Variants in SLC24A4 observed in about 807,000 individuals in gnomAD.
The protein encoded by SLC24A4 is solute carrier family 24 member 4.
Under a neutral mutation model 79.0 loss-of-function variants are expected in SLC24A4, and 53 were observed. That is an observed-to-expected ratio of 0.67 (90% CI 0.54 to 0.84). SLC24A4 has a LOEUF of 0.84. Ranked by LOEUF, SLC24A4 falls within the 40% of genes least tolerant of loss-of-function variation. The pLI is 0.00. For synonymous variants in SLC24A4, 323 were observed against 323.8 expected, an observed-to-expected ratio of 1.00 and a Z score of 0.03; for missense variants, 731 against 822.0, an observed-to-expected ratio of 0.89 and a Z score of 1.35.
intron 2 of SLC24A4, among the ~76,000 whole-genome samples, chr14:92,372,298 C>T (rs879621273): frequency 2.6e-5 from 4 of 152,280 alleles, no homozygotes; most frequent in Admixed American, 2.6e-4. Context: ...CACGCCACCT[C>T]CCTGTCCCAT....
At chr14:92,386,744 G>A (rs151063442) in intron 2 of SLC24A4, among the ~76,000 whole-genome samples, 2,164 of 152,328 alleles carry the variant, frequency 0.014, 24 homozygotes, top group Non-Finnish European at 0.019. Context: ...CGTGTTTAAT[G>A]TGTAAGCAGA....
At chr14:92,368,974 A>G (rs540391717) in intron 2 of SLC24A4, among the ~76,000 whole-genome samples, 29 of 152,224 alleles carry the variant, frequency 1.9e-4, no homozygotes, top group African/African-American at 7.0e-4. Context: ...CTGGACCCAT[A>G]TACAAGGAGA....
At chr14:92,411,862 G>T (rs1890736067) in intron 2 of SLC24A4, among the ~76,000 whole-genome samples, 1 of 152,096 alleles carries the variant, frequency 6.6e-6, no homozygotes, top group Admixed American at 6.5e-5. Context: ...TGATTCCAAG[G>T]TTAAGACCTC....
intron 2 of SLC24A4, among the ~76,000 whole-genome samples, chr14:92,347,125 A>G (rs1246488931): frequency 6.6e-6 from 1 of 152,242 alleles, no homozygotes; most frequent in African/African-American, 2.4e-5. Context: ...TTATTTTAAA[A>G]GTAGAGGCCC....
In SLC24A4 at chr14:92,499,291, C is replaced by T. The variant is rs1444798654; in HGVS notation, c.*5663C>T. On this transcript the variant is annotated 3_prime_UTR_variant, in exon 17 of 17. Transcript: ENST00000532405. Reference sequence around the variant, plus strand: ...AGTATACTCTCGTCTAGTCTAGGAACATGTCTGCTGCTGGGATACCCTGGT... The same window carrying T: ...AGTATACTCTCGTCTAGTCTAGGAATATGTCTGCTGCTGGGATACCCTGGT... 1 of 152,200 alleles carries T rather than the reference C, an allele frequency of 6.6e-6. No homozygotes were observed. The highest frequency in any genetic ancestry group is 1.5e-5 in the Non-Finnish European group (1 of 68,042). 9.4% of individuals were successfully genotyped at this position (152,200 alleles called of 1,614,324 possible). A position where few individuals can be genotyped will look rare whatever the true frequency, so the allele number is the denominator to read the frequency against.
intron 3 of SLC24A4, among the ~76,000 whole-genome samples, chr14:92,435,285 G>C (rs1426374622): frequency 6.6e-6 from 1 of 152,166 alleles, no homozygotes; most frequent in African/African-American, 2.4e-5. Flanking sequence ...CTCTGTGCTG[G>C]AATAGGCAAA....
At chr14:92,480,629 A>G (rs1303509935) in intron 12 of SLC24A4, among the ~76,000 whole-genome samples, 1 of 152,112 alleles carries the variant, frequency 6.6e-6, no homozygotes, top group African/African-American at 2.4e-5. Context: ...ACGGCTATGC[A>G]TTCCTAAGTA....
At chr14:92,479,466 T>G (rs1301240375) in intron 12 of SLC24A4, among the ~76,000 whole-genome samples, 1 of 152,242 alleles carries the variant, frequency 6.6e-6, no homozygotes, top group Non-Finnish European at 1.5e-5. Flanking sequence ...TAGAGGATTG[T>G]GTAGTTTTAT....
Position 92,323,681 on chromosome 14 carries a change from C to T in SLC24A4, c.-150C>T, listed in dbSNP as rs1884928868. The T allele has an allele frequency of 2.0e-6, 2 of 987,942 alleles. No individual in the cohort carries two copies. Among genetic ancestry groups the T allele is most frequent in the Admixed American group, 3.5e-5 (1 of 28,540 alleles). 61.2% of individuals were successfully genotyped at this position (987,942 alleles called of 1,614,324 possible). On this transcript the variant is annotated 5_prime_UTR_variant, in exon 1 of 17. Transcript: ENST00000532405. The surrounding 1 kb of genome is among the most constrained non-coding windows in gnomAD (Gnocchi z 4.9). ...TCCCAAGGGGCTCCCCCGCCGACCT[C>T]GCCCTCGGGCCATGAGGCTTTGGCC... is the stretch of plus-strand genomic sequence containing the variant.
intron 2 of SLC24A4, among the ~76,000 whole-genome samples, chr14:92,367,324 A>G (rs1887905282): frequency 6.6e-6 from 1 of 152,140 alleles, no homozygotes. Context: ...CTGTGTATTA[A>G]CTCACTTAAC....
intron 2 of SLC24A4, among the ~76,000 whole-genome samples, chr14:92,402,947 A>G (rs1890187037): frequency 6.6e-6 from 1 of 152,064 alleles, no homozygotes; most frequent in Non-Finnish European, 1.5e-5. Flanking sequence ...ACCCAGTAGG[A>G]GTTTATTTTT....
intron 2 of SLC24A4, among the ~76,000 whole-genome samples, chr14:92,412,888 G>T (rs143379421): frequency 6.6e-6 from 1 of 152,146 alleles, no homozygotes; most frequent in African/African-American, 2.4e-5. Context: ...TGGTTTCTAC[G>T]TTTTTCAATG....
At chr14:92,480,588 C>A (rs548142951) in intron 12 of SLC24A4, among the ~76,000 whole-genome samples, 4 of 152,006 alleles carry the variant, frequency 2.6e-5, no homozygotes, top group African/African-American at 9.6e-5. Flanking sequence ...CCACCACGCC[C>A]GGCCTTTCCC....
At chr14:92,375,232 G>C (rs1453557219) in intron 2 of SLC24A4, among the ~76,000 whole-genome samples, 1 of 152,204 alleles carries the variant, frequency 6.6e-6, no homozygotes, top group Non-Finnish European at 1.5e-5. Flanking sequence ...TTAAGAGACA[G>C]TTTGGAAGAT....
At chr14:92,433,208 T>C (rs1445482954) in intron 2 of SLC24A4, among the ~76,000 whole-genome samples, 2 of 152,154 alleles carry the variant, frequency 1.3e-5, no homozygotes, top group Non-Finnish European at 2.9e-5. Flanking sequence ...TTCATTCGTG[T>C]ATACCTCCGT....
rs1184201387 is a variant in SLC24A4 at position 92,323,379 on chromosome 14, T to C, written c.-452T>C. 2.0e-5 allele frequency: 3 copies of C among 152,090 alleles called. No individual in the cohort carries two copies. 9.4% of individuals were successfully genotyped at this position (152,090 alleles called of 1,614,324 possible). A position where few individuals can be genotyped will look rare whatever the true frequency, so the allele number is the denominator to read the frequency against. On this transcript the variant is annotated 5_prime_UTR_variant, in exon 1 of 17. Coordinates refer to ENST00000532405, the MANE Select transcript of SLC24A4 (RefSeq NM_153646.4). The surrounding 1 kb of genome is among the most constrained non-coding windows in gnomAD (Gnocchi z 4.9). ...CAGCCGGGGCGGCCGCCGCCAAACT[T>C]GGAGGAGGAGGATGCTGCGAGTGGG... is the stretch of plus-strand genomic sequence containing the variant.
Position 92,493,820 on chromosome 14 carries a change from G to A in SLC24A4, c.*192G>A. On this transcript the variant is annotated 3_prime_UTR_variant, in exon 17 of 17. Transcript: ENST00000532405. ...GCTGCTGGGCATCCTCCTCCTCCTT[G>A]GAGTTCCGCCCCTGCAAGGCTGGAT... 1 of 669,326 alleles carries A rather than the reference G, an allele frequency of 1.5e-6. No individual in the cohort carries two copies. Among genetic ancestry groups the A allele is most frequent in the Non-Finnish European group, 2.5e-6 (1 of 405,076 alleles). 41.5% of individuals were successfully genotyped at this position (669,326 alleles called of 1,614,324 possible). A position where few individuals can be genotyped will look rare whatever the true frequency, so the allele number is the denominator to read the frequency against.
intron 2 of SLC24A4, among the ~76,000 whole-genome samples, chr14:92,433,326 G>T (rs1891978632): frequency 6.6e-6 from 1 of 152,242 alleles, no homozygotes; most frequent in Non-Finnish European, 1.5e-5. Context: ...GCCTGGGGTT[G>T]CAGGAATGAT....
At chr14:92,407,151 C>A (rs1890433491) in intron 2 of SLC24A4, among the ~76,000 whole-genome samples, 1 of 152,192 alleles carries the variant, frequency 6.6e-6, no homozygotes, top group Admixed American at 6.5e-5. Flanking sequence ...AGAGTAAGGG[C>A]AAAATGCTGC....
Sources: allele counts gnomAD v4.1 joint callset (sites outside exome capture counted in the v4.1 genomes callset), GRCh38; gene constraint gnomAD v4.1.1; non-coding constraint Gnocchi (gnomAD v3.1); transcripts MANE v1.5; gene names NCBI Gene and HGNC (gene_info 2026-07-23, HGNC 2026-07-21).